The following COL22A1 variants were observed in gnomAD, a reference collection of about 807,000 sequenced individuals.
COL22A1 encodes the protein collagen type XXII alpha 1 chain.
A neutral mutation model predicts 248.9 loss-of-function variants in COL22A1; 221 were observed. That is an observed-to-expected ratio of 0.89 (90% CI 0.80 to 0.99). The LOEUF (loss-of-function observed/expected upper bound fraction) is 0.99. Among genes scored for constraint, COL22A1 ranks in the 50% least tolerant of loss-of-function variants. COL22A1 has a pLI of 0.00. For synonymous variants in COL22A1, 891 were observed against 793.4 expected, an observed-to-expected ratio of 1.12 and a Z score of -2.07; for missense variants, 2,240 against 2,179.0, an observed-to-expected ratio of 1.03 and a Z score of -0.56.
intron 12 of COL22A1, among the ~76,000 whole-genome samples, chr8:138,784,791 GT>G (rs1455723911): frequency 6.6e-6 from 1 of 152,124 alleles, no homozygotes; most frequent in Non-Finnish European, 1.5e-5. Flanking sequence ...CCATTTCAGT[GT>G]TTATGAAACA....
At chr8:138,903,097 G>T (rs1340655820) in intron 1 of COL22A1, among the ~76,000 whole-genome samples, 1 of 152,090 alleles carries the variant, frequency 6.6e-6, no homozygotes, top group Non-Finnish European at 1.5e-5. Context: ...ATTTATCCAG[G>T]AATTAACTTA....
chr8:138,775,790 C>T (rs750313843), intron 16 of COL22A1, among the ~76,000 whole-genome samples, 176 bp downstream of exon 16: 5 of 152,196 alleles, frequency 3.3e-5, no homozygotes, highest in Non-Finnish European at 5.9e-5. Flanking sequence ...TCTGCATCAG[C>T]CCTCGCCTGC....
In COL22A1 at chr8:138,649,647, T is replaced by C. The variant is rs1822515545; in HGVS notation, c.3447+18A>G. 6.2e-7 allele frequency: 1 copy of C among 1,606,560 alleles called. No individual in the cohort carries two copies. The highest frequency in any genetic ancestry group is 1.7e-5 in the Admixed American group (1 of 59,120). On this transcript the variant is annotated intron_variant, in intron 46 of 64. Transcript: ENST00000303045. Reference sequence around the variant, plus strand: ...TTCATTGTAATGATAAAAATCGAGTTTCCCCTTTTCTCCTTACCTTTTTCC... The same window carrying C: ...TTCATTGTAATGATAAAAATCGAGTCTCCCCTTTTCTCCTTACCTTTTTCC...
intron 26 of COL22A1, among the ~76,000 whole-genome samples, chr8:138,721,023 G>A (rs773659637): frequency 6.6e-6 from 1 of 152,130 alleles, no homozygotes; most frequent in Non-Finnish European, 1.5e-5. Flanking sequence ...TAATTGAGGA[G>A]AATTGGCATT....
intron 32 of COL22A1, among the ~76,000 whole-genome samples, chr8:138,696,286 C>A (rs894022532): frequency 4.6e-5 from 7 of 152,118 alleles, no homozygotes; most frequent in African/African-American, 9.7e-5. Context: ...GGCTCCCCTG[C>A]CACAGATAAG....
intron 9 of COL22A1, among the ~76,000 whole-genome samples, chr8:138,809,350 A>G (rs1302624662): frequency 6.6e-6 from 1 of 152,152 alleles, no homozygotes; most frequent in Non-Finnish European, 1.5e-5. Context: ...ACAGCATAGT[A>G]CACAGCACAT....
chr8:138,843,935 C>T (rs1821054815), intron 4 of COL22A1, 149 bp downstream of exon 4: 1 of 745,962 alleles, frequency 1.3e-6, no homozygotes, highest in Non-Finnish European at 2.4e-6. Context: ...CTGCCACCTG[C>T]ACGATTCAAA....
intron 54 of COL22A1, among the ~76,000 whole-genome samples, chr8:138,616,636 C>T (rs1344510573): frequency 6.6e-6 from 1 of 152,210 alleles, no homozygotes; most frequent in Admixed American, 6.5e-5. Context: ...TCACAAGGCT[C>T]AGGGCTGACA....
intron 35 of COL22A1, among the ~76,000 whole-genome samples, chr8:138,691,777 T>C (rs934916562): frequency 6.6e-6 from 1 of 151,846 alleles, no homozygotes; most frequent in Admixed American, 6.6e-5. Context: ...CGTAAGTGTG[T>C]GCATGTTTGT....
intron 3 of COL22A1, among the ~76,000 whole-genome samples, chr8:138,872,175 T>G (rs1823392524): frequency 1.3e-5 from 2 of 152,008 alleles, no homozygotes; most frequent in Admixed American, 1.3e-4. Flanking sequence ...AAAAGAAGCC[T>G]CCCTCTACTC....
At chr8:138,616,240 A>G (rs540822763) in intron 54 of COL22A1, among the ~76,000 whole-genome samples, 186 bp from the exon 55 acceptor site, 78 of 152,226 alleles carry the variant, frequency 5.1e-4, no homozygotes, top group African/African-American at 1.8e-3. Flanking sequence ...TGGCGCACCC[A>G]AGGCCAGCTG....
intron 18 of COL22A1, 52 bp downstream of exon 18, chr8:138,760,191 C>T (rs1586671986): frequency 8.1e-6 from 12 of 1,477,290 alleles, no homozygotes; most frequent in African/African-American, 4.3e-5. Flanking sequence ...GGGCAGTCCC[C>T]GCACCTGCCT....
intron 63 of COL22A1, among the ~76,000 whole-genome samples, chr8:138,591,962 G>A (rs759064142): frequency 3.9e-5 from 6 of 152,282 alleles, no homozygotes; most frequent in Non-Finnish European, 8.8e-5. Flanking sequence ...ATATGTCTAT[G>A]CTTCCTGTGT....
At chr8:138,901,160 C>G (rs1457100869) in intron 1 of COL22A1, among the ~76,000 whole-genome samples, 1 of 148,344 alleles carries the variant, frequency 6.7e-6, no homozygotes, top group African/African-American at 2.5e-5. Context: ...ATTAAAAGCA[C>G]CACTGCTTTC....
At chr8:138,865,442 G>T (rs554237729) in intron 3 of COL22A1, among the ~76,000 whole-genome samples, 1 of 151,754 alleles carries the variant, frequency 6.6e-6, no homozygotes, top group Admixed American at 6.6e-5. Context: ...TGGTGTGTTT[G>T]TATGCCTGTG....
Position 138,591,496 on chromosome 8 carries a change from G to A in COL22A1, c.4621C>T (p.Arg1541Ter), listed in dbSNP as rs773857740. ...GCACCTGGGTCACCTTTGGCTCCTC[G>A]CTCACCTGGGAAGAAAAACATGCAC... ...PSGPIGPKGE[R>*]GAKGDPGAPG... Residue 1541 changes from arginine (R) to a stop codon, truncating the protein, a stop_gained, in exon 64 of 65, where the codon CGA (arginine) becomes TGA (stop). Transcript: ENST00000303045. LOFTEE classifies it high-confidence loss of function. 1.3e-5 allele frequency: 20 copies of A among 1,543,384 alleles called. No individual in the cohort carries two copies. In the Admixed American group the frequency reaches 2.5e-4, roughly 20 times the overall value.
At chr8:138,755,381 T>C in intron 20 of COL22A1, 101 bp downstream of exon 20, 1 of 1,368,962 alleles carries the variant, frequency 7.3e-7, no homozygotes, top group Non-Finnish European at 1.0e-6. Flanking sequence ...AACTGAAGTC[T>C]GAAAGGCTCC....
intron 40 of COL22A1, 21 bp downstream of exon 40, chr8:138,679,596 T>C (rs1423635164): frequency 6.2e-7 from 1 of 1,610,692 alleles, no homozygotes; most frequent in Non-Finnish European, 8.5e-7. Flanking sequence ...TTTGCAAATG[T>C]TTGCATAGAT....
chr8:138,739,488 G>A (rs1445204230), intron 22 of COL22A1, among the ~76,000 whole-genome samples: 5 of 152,194 alleles, frequency 3.3e-5, no homozygotes, highest in Non-Finnish European at 5.9e-5. Context: ...TCACGCTGCC[G>A]TAATTTCCTT....
Sources: gnomAD v4.1 joint callset for allele counts (sites outside exome capture counted in the v4.1 genomes callset) on GRCh38, gnomAD v4.1.1 for gene constraint, MANE v1.5 for transcripts, NCBI Gene and HGNC (gene_info 2026-07-23, HGNC 2026-07-21) for gene names.